The following GALNT18 variants were observed in gnomAD, a reference collection of about 807,000 sequenced individuals.
GALNT18 encodes GalNAc-transferase 18.
GALNT18 carries 44 observed loss-of-function variants against 69.5 expected under a neutral mutation model. That is an observed-to-expected ratio of 0.63 (90% CI 0.50 to 0.81). The LOEUF (loss-of-function observed/expected upper bound fraction) is 0.81, where lower values mean the gene tolerates loss of function less well. Among genes scored for constraint, GALNT18 ranks in the 40% least tolerant of loss-of-function variants. GALNT18 has a pLI of 0.00. For synonymous variants in GALNT18, 364 were observed against 318.2 expected (o/e 1.14, Z -1.53); for missense variants, 715 against 810.0 (o/e 0.88, Z 1.42).
rs186488190 is a variant in GALNT18, at chr11:11,455,248, T to C, written c.236-6312A>G. 1.8e-3 allele frequency among the ~76,000 whole-genome samples: 267 copies of C among 152,336 alleles called. 2 individuals carry two copies. Among genetic ancestry groups the C allele is most frequent in the African/African-American group, 6.1e-3 (253 of 41,578 alleles). On this transcript the variant is annotated intron_variant, in intron 1 of 10. Coordinates refer to ENST00000227756, the MANE Select transcript of GALNT18 (RefSeq NM_198516.3). ...TATTGAAATATTAAGATTACTCAGA[T>C]GTGTTCCCTATCCTCATATAGCATC... is the stretch of plus-strand genomic sequence containing the variant.
intron 6 of GALNT18, among the ~76,000 whole-genome samples, chr11:11,349,342 C>T (rs548909039): frequency 2.0e-5 from 3 of 152,314 alleles, no homozygotes; most frequent in African/African-American, 7.2e-5. Context: ...AGGTTATATA[C>T]ACATGTTCAA....
At chr11:11,499,139 T>C (rs1272967377) in intron 1 of GALNT18, among the ~76,000 whole-genome samples, 2 of 152,210 alleles carry the variant, frequency 1.3e-5, no homozygotes, top group Non-Finnish European at 2.9e-5. Flanking sequence ...AGCTTTATTA[T>C]ATGATCAGCC....
chr11:11,372,771 C>T lies in GALNT18; in HGVS notation c.978-142G>A. The T allele has an allele frequency of 5.7e-6, 4 of 704,304 alleles. No individual in the cohort carries two copies. Among genetic ancestry groups the T allele is most frequent in the Admixed American group, 4.3e-5 (2 of 46,330 alleles). 43.6% of individuals were successfully genotyped at this position (704,304 alleles called of 1,614,324 possible). A position where few individuals can be genotyped will look rare whatever the true frequency, so the allele number is the denominator to read the frequency against. ...AGTGTGAGCCTTGTTCTTGGAGTGG[C>T]CCCTGGGTCTGGCCTCACCCAACCA... On this transcript the variant is annotated intron_variant, in intron 5 of 10. Transcript: ENST00000227756. The surrounding 1 kb of genome is among the most constrained non-coding windows in gnomAD (Gnocchi z 4.9).
intron 1 of GALNT18, among the ~76,000 whole-genome samples, chr11:11,502,368 A>C (rs1856991523): frequency 6.6e-6 from 1 of 152,234 alleles, no homozygotes; most frequent in Admixed American, 6.5e-5. Context: ...AGGCAGGAGC[A>C]TGTGTGGCCT....
At chr11:11,488,423 A>T (rs1235464639) in intron 1 of GALNT18, among the ~76,000 whole-genome samples, 1 of 151,928 alleles carries the variant, frequency 6.6e-6, no homozygotes, top group African/African-American at 2.4e-5. Context: ...TTTGCTTGTT[A>T]AGACTCTTGT....
At chr11:11,290,552 C>A (rs1257269445) in intron 10 of GALNT18, among the ~76,000 whole-genome samples, 1 of 152,236 alleles carries the variant, frequency 6.6e-6, no homozygotes, top group Non-Finnish European at 1.5e-5. Context: ...CTCCCGGCAG[C>A]TCCCTGAGCA....
intron 3 of GALNT18, among the ~76,000 whole-genome samples, chr11:11,417,061 C>T (rs1037470449): frequency 1.3e-5 from 2 of 152,208 alleles, no homozygotes; most frequent in African/African-American, 2.4e-5. Flanking sequence ...GACCAGGGAA[C>T]CTGATTCAAG....
chr11:11,293,070 C>T lies in GALNT18; in HGVS notation c.1636G>A (p.Ala546Thr), dbSNP rs1236782243. The stretch of plus-strand genomic sequence containing the variant: ...TGAAGCTTCATCCTCTTGGCTTTGG[C>T]GTAGCTGCATTCGATGAGCCGGGGC... Reference protein sequence around the residue: ...SRPRLIECSYAKAKRMKLHWQ... With the variant: ...SRPRLIECSYTKAKRMKLHWQ... The change falls in exon 10 of 11, where the codon GCC (alanine) becomes ACC (threonine). Residue 546 changes from alanine (A) to threonine (T), a missense_variant. Transcript: ENST00000227756. The T allele has an allele frequency of 2.2e-6, 3 of 1,389,432 alleles. No homozygotes were observed. Among genetic ancestry groups the T allele is most frequent in the African/African-American group, 1.5e-5 (1 of 67,250 alleles). 86.1% of individuals were successfully genotyped at this position (1,389,432 alleles called of 1,614,324 possible).
chr11:11,411,243 G>GATCT (rs902911119), intron 3 of GALNT18, among the ~76,000 whole-genome samples: 13 of 152,226 alleles, frequency 8.5e-5, no homozygotes, highest in African/African-American at 2.9e-4. Context: ...GAGCCCAGGA[G>GATCT]ATCTAGGTTG....
At position 11,461,749 on chromosome 11, in the gene GALNT18, G is replaced by C. The variant is rs1309948128; in HGVS notation, c.236-12813C>G. Among the ~76,000 whole-genome samples, 1 of 152,200 alleles carries C rather than the reference G, an allele frequency of 6.6e-6. No homozygotes were observed. The highest frequency in any genetic ancestry group is 1.5e-5 in the Non-Finnish European group (1 of 68,036). ...TTCCCTGACACAGACACACGGATGG[G>C]AACAGCTGGGCTAGACAGGGAGAAA... On this transcript the variant is annotated intron_variant, in intron 1 of 10. Coordinates refer to ENST00000227756, the MANE Select transcript of GALNT18 (RefSeq NM_198516.3). The surrounding 1 kb of genome is among the most constrained non-coding windows in gnomAD (Gnocchi z 4.1).
At chr11:11,299,092 G>A (rs1339623770) in intron 9 of GALNT18, among the ~76,000 whole-genome samples, 5 of 152,176 alleles carry the variant, frequency 3.3e-5, no homozygotes, top group Admixed American at 2.0e-4. Flanking sequence ...AGTGCTTTCT[G>A]AGATTTTGGT....
intron 10 of GALNT18, among the ~76,000 whole-genome samples, chr11:11,276,467 T>A (rs1354171810): frequency 6.6e-6 from 1 of 152,158 alleles, no homozygotes; most frequent in African/African-American, 2.4e-5. Context: ...AATCATGTCA[T>A]CTGCAAACAG....
rs775697061 is a variant in GALNT18 at position 11,377,158 on chromosome 11, C to G, written c.977+24G>C. On this transcript the variant is annotated intron_variant, in intron 5 of 10. Coordinates refer to ENST00000227756, the MANE Select transcript of GALNT18 (RefSeq NM_198516.3). This position sits in a 1 kb window ranked among gnomAD's most constrained non-coding sequence, Gnocchi z 4.6. ...TAGCCTGGAGGTCAAAGCGGAGAGA[C>G]CCACAGGTAAAGGTTTGCTTTACCT... 1.2e-6 allele frequency: 2 copies of G among 1,608,442 alleles called. No individual in the cohort carries two copies. Among genetic ancestry groups the G allele is most frequent in the Admixed American group, 1.7e-5 (1 of 59,986 alleles).
chr11:11,325,808 C>A (rs1036510181), intron 9 of GALNT18, among the ~76,000 whole-genome samples: 10 of 152,068 alleles, frequency 6.6e-5, no homozygotes, highest in Non-Finnish European at 1.0e-4. Context: ...TGAGCACAAC[C>A]TGATTTGCTG....
chr11:11,292,775 A>T (rs1378866524), intron 10 of GALNT18, among the ~76,000 whole-genome samples: 1 of 150,348 alleles, frequency 6.7e-6, no homozygotes, highest in African/African-American at 2.5e-5. Flanking sequence ...ATTATAATAA[A>T]ACAACAACAA....
Position 11,462,920 on chromosome 11 carries a change from G to A in GALNT18, c.236-13984C>T, listed in dbSNP as rs143379698. The stretch of plus-strand genomic sequence containing the variant: ...TGCTCAAAGAACAAGTATTTGGGGT[G>A]TCAGCCAAACCCCAGAGCCTGAGCC... On this transcript the variant is annotated intron_variant, in intron 1 of 10. Coordinates refer to ENST00000227756, the MANE Select transcript of GALNT18 (RefSeq NM_198516.3). Among the ~76,000 whole-genome samples the A allele has an allele frequency of 4.6e-3, 693 of 152,286 alleles. 4 individuals are homozygous for A. The highest frequency in any genetic ancestry group is 0.016 in the African/African-American group (649 of 41,558).
At chr11:11,554,038 G>C (rs552707214) in intron 1 of GALNT18, among the ~76,000 whole-genome samples, 3 of 152,240 alleles carry the variant, frequency 2.0e-5, no homozygotes, top group African/African-American at 4.8e-5. Context: ...ACTACAAAAG[G>C]GTTTGCCAGT....
chr11:11,436,814 C>T lies in GALNT18; in HGVS notation c.429-4027G>A, dbSNP rs1232213538. Among the ~76,000 whole-genome samples the T allele has an allele frequency of 6.6e-6, 1 of 152,196 alleles. No individual in the cohort carries two copies. Among genetic ancestry groups the T allele is most frequent in the African/African-American group, 2.4e-5 (1 of 41,440 alleles). On this transcript the variant is annotated intron_variant, in intron 2 of 10. Coordinates refer to ENST00000227756, the MANE Select transcript of GALNT18 (RefSeq NM_198516.3). The surrounding 1 kb of genome is among the most constrained non-coding windows in gnomAD (Gnocchi z 4.5). Reference sequence around the variant, plus strand: ...GGACAGAGGGCTTTGTGCTGTAGTCCAAGTCACCTTGAAAAGAACACGCCT... The same window carrying T: ...GGACAGAGGGCTTTGTGCTGTAGTCTAAGTCACCTTGAAAAGAACACGCCT...
At chr11:11,345,600 A>G (rs1432609661) in intron 6 of GALNT18, among the ~76,000 whole-genome samples, 2 of 152,030 alleles carry the variant, frequency 1.3e-5, no homozygotes, top group African/African-American at 4.8e-5. Context: ...TGCAAATGGC[A>G]CGATAGAGCA....
Sources: gnomAD v4.1 joint callset for allele counts (sites outside exome capture counted in the v4.1 genomes callset) on GRCh38, gnomAD v4.1.1 for gene constraint, Gnocchi (gnomAD v3.1) non-coding constraint, MANE v1.5 for transcripts, NCBI Gene and HGNC (gene_info 2026-07-23, HGNC 2026-07-21) for gene names.